Variants in FILIP1 observed in about 807,000 individuals in gnomAD.
FILIP1 encodes the protein filamin A interacting protein 1.
A neutral mutation model predicts 102.1 loss-of-function variants in FILIP1; 61 were observed. The ratio of observed to expected loss-of-function variants is 0.60; its 90% CI spans 0.49 to 0.74. The LOEUF (loss-of-function observed/expected upper bound fraction) is 0.74, where lower values mean the gene tolerates loss of function less well. Ranked by LOEUF, FILIP1 falls within the 30% of genes least tolerant of loss-of-function variation. The pLI is 0.00. For synonymous variants in FILIP1, 491 were observed against 526.9 expected, an observed-to-expected ratio of 0.93 and a Z score of 0.93; for missense variants, 1,314 against 1,441.2, an observed-to-expected ratio of 0.91 and a Z score of 1.43.
At chr6:75,333,085 G>A (rs1438428583) in intron 4 of FILIP1, among the ~76,000 whole-genome samples, 1 of 152,058 alleles carries the variant, frequency 6.6e-6, no homozygotes, top group African/African-American at 2.4e-5. Context: ...ACATAACTTA[G>A]GTAGCAAATT....
chr6:75,313,399 G>T lies in FILIP1; in HGVS notation c.2433C>A (p.Ser811Arg). 1.2e-6 allele frequency: 2 copies of T among 1,614,140 alleles called. No homozygotes were observed. Among genetic ancestry groups the T allele is most frequent in the Non-Finnish European group, 1.7e-6 (2 of 1,180,028 alleles). Reference protein sequence around the residue: ...TSTGVQTDAVSGEAAEEETPA... With the variant: ...TSTGVQTDAVRGEAAEEETPA... Reference sequence around the variant, plus strand: ...GCGTTTCTTCCTCTGCTGCTTCACCGCTGACTGCATCAGTTTGGACTCCAG... The same window carrying T: ...GCGTTTCTTCCTCTGCTGCTTCACCTCTGACTGCATCAGTTTGGACTCCAG... Residue 811 changes from serine to arginine, a missense_variant, in exon 5 of 6, where the codon AGC becomes AGA. Ser to Arg is a moderately radical substitution (Grantham distance 110, BLOSUM62 -1). Around this residue, in one of 3 missense-constraint regions of FILIP1, gnomAD observed 816 missense variants for 913.1 expected, o/e 0.89. Coordinates refer to ENST00000237172, the MANE Select transcript of FILIP1 (RefSeq NM_015687.5). The surrounding 1 kb of genome is among the most constrained non-coding windows in gnomAD (Gnocchi z 4.2).
chr6:75,445,594 A>G (rs1778419902), intron 1 of FILIP1, among the ~76,000 whole-genome samples: 1 of 151,978 alleles, frequency 6.6e-6, no homozygotes, highest in Non-Finnish European at 1.5e-5. Context: ...ATGTGAGCTT[A>G]TTGAAAGCAG....
chr6:75,398,487 C>T (rs1042140267), intron 2 of FILIP1, among the ~76,000 whole-genome samples: 11 of 152,158 alleles, frequency 7.2e-5, no homozygotes, highest in Non-Finnish European at 1.6e-4. Context: ...CTAAGGATCA[C>T]TGAGGCCGAA....
intron 6 of FILIP1, among the ~76,000 whole-genome samples, chr6:75,302,070 A>G (rs1478535446): frequency 6.6e-6 from 1 of 152,108 alleles, no homozygotes; most frequent in East Asian, 1.9e-4. Context: ...GGAAAGGGCC[A>G]TTTGTAACTC....
At chr6:75,366,308 T>C (rs1775331896) in intron 2 of FILIP1, among the ~76,000 whole-genome samples, 1 of 152,234 alleles carries the variant, frequency 6.6e-6, no homozygotes, top group Non-Finnish European at 1.5e-5. Flanking sequence ...TCAAGTAATC[T>C]TGACAGCATC....
Position 75,450,551 on chromosome 6 carries a change from G to A in FILIP1, c.-6-35573C>T, listed in dbSNP as rs1005929595. On this transcript the variant is annotated intron_variant, in intron 1 of 5. Coordinates refer to ENST00000237172, the MANE Select transcript of FILIP1 (RefSeq NM_015687.5). The stretch of plus-strand genomic sequence containing the variant: ...GTAGTCCCAGCTACTGAGGAGGCTG[G>A]GATGAGAGGATTGCTTGAGCCCAGG... 2.6e-4 allele frequency among the ~76,000 whole-genome samples: 40 copies of A among 151,598 alleles called. 1 individual carries two copies. The highest frequency in any genetic ancestry group is 9.2e-4 in the African/African-American group (38 of 41,240).
intron 4 of FILIP1, among the ~76,000 whole-genome samples, chr6:75,328,033 G>C (rs560603593): frequency 9.2e-5 from 14 of 152,218 alleles, no homozygotes; most frequent in African/African-American, 3.4e-4. Flanking sequence ...CAAAATGTGG[G>C]CAACTACATA....
At chr6:75,390,492 T>C (rs2703716) in intron 2 of FILIP1, among the ~76,000 whole-genome samples, 112,316 of 151,876 alleles carry the variant, frequency 0.74, 41,995 homozygotes, top group African/African-American at 0.86. Context: ...CCTCAGGAGG[T>C]TTCCAATCAT....
At chr6:75,395,931 T>C (rs2842450) in intron 2 of FILIP1, among the ~76,000 whole-genome samples, 152,144 of 152,190 alleles carry the variant, frequency 1, 76,049 homozygotes, top group East Asian at 1. Context: ...GTTGCCTTCT[T>C]TACCTAATGA....
chr6:75,489,950 A>G (rs947497529), intron 1 of FILIP1, among the ~76,000 whole-genome samples: 1 of 152,136 alleles, frequency 6.6e-6, no homozygotes, highest in Middle Eastern at 3.4e-3. Context: ...TTGCCCCCTC[A>G]TTTCTCCTAG....
chr6:75,484,699 A>C (rs1779735872), intron 1 of FILIP1, among the ~76,000 whole-genome samples: 1 of 152,132 alleles, frequency 6.6e-6, no homozygotes, highest in Non-Finnish European at 1.5e-5. Context: ...GTTTCAAGTG[A>C]GGTCAGAGTC....
downstream of FILIP1, among the ~76,000 whole-genome samples, chr6:75,303,585 A>G (rs1772901709): frequency 6.6e-6 from 1 of 152,200 alleles, no homozygotes; most frequent in African/African-American, 2.4e-5. Flanking sequence ...CTGGACCCAG[A>G]CATAAGAATG....
chr6:75,436,402 C>T (rs947590168), intron 1 of FILIP1, among the ~76,000 whole-genome samples: 2 of 151,562 alleles, frequency 1.3e-5, no homozygotes, highest in Admixed American at 6.6e-5. Flanking sequence ...CTGCAAAAAG[C>T]TTCCATTGTA....
intron 1 of FILIP1, among the ~76,000 whole-genome samples, chr6:75,450,636 C>T (rs1229105042): frequency 1.4e-5 from 2 of 142,634 alleles, no homozygotes; most frequent in African/African-American, 5.2e-5. Flanking sequence ...AGAATAAGAA[C>T]TTCTCTCTTA....
chr6:75,313,164 T>C lies in FILIP1; in HGVS notation c.2668A>G (p.Thr890Ala). ...CCTGGGTGCCCTGGACTGGAATTTG[T>C]TCGGGGCCCTTTCTCCTGAGTGATG... ...PSITQEKGPR[T>A]NSSPGHPGEV... Residue 890 changes from threonine (T) to alanine (A), a missense_variant, in exon 5 of 6, where the codon ACA becomes GCA. Transcript: ENST00000237172. This position sits in a 1 kb window ranked among gnomAD's most constrained non-coding sequence, Gnocchi z 4.2. The C allele has an allele frequency of 6.2e-7, 1 of 1,614,188 alleles. No individual in the cohort carries two copies. The highest frequency in any genetic ancestry group is 1.7e-5 in the Admixed American group (1 of 60,026).
Position 75,314,685 on chromosome 6 carries a change from G to C in FILIP1, c.1147C>G (p.Leu383Val). 1 of 1,613,850 alleles carries C rather than the reference G, an allele frequency of 6.2e-7. No individual in the cohort carries two copies. Among genetic ancestry groups the C allele is most frequent in the African/African-American group, 1.3e-5 (1 of 75,008 alleles). ...TCCATTTCAAGCACACGCTTTCGAAGATTTTCCACTTCTGCCATGAGGCTA... is the reference window on the plus strand; with the variant it reads ...TCCATTTCAAGCACACGCTTTCGAACATTTTCCACTTCTGCCATGAGGCTA... ...NSSLMAEVEN[L>V]RKRVLEMEGK... Residue 383 changes from leucine (L) to valine (V), a missense_variant, in exon 5 of 6, where the codon CTT (leucine) becomes GTT (valine). This residue lies in a region of FILIP1 where 494 missense variants were observed against 511.2 expected (regional missense o/e 0.97). Coordinates refer to ENST00000237172, the MANE Select transcript of FILIP1 (RefSeq NM_015687.5).
chr6:75,295,577 T>A (rs183402519), exon 7 of FILIP1: 223 of 188,034 alleles, frequency 1.2e-3, no homozygotes, highest in Non-Finnish European at 2.2e-3. Flanking sequence ...CCAGAGACTA[T>A]GAAAAAGGGA....
chr6:75,479,025 A>G (rs1225508476), intron 1 of FILIP1, among the ~76,000 whole-genome samples: 1 of 152,212 alleles, frequency 6.6e-6, no homozygotes, highest in African/African-American at 2.4e-5. Context: ...AACTAAGGAA[A>G]TAAGTTGCTA....
chr6:75,362,826 A>T lies in FILIP1; in HGVS notation c.368T>A (p.Val123Glu). Reference protein sequence around the residue: ...AHYGSAEPEKVLRVLHRDAIL... With the variant: ...AHYGSAEPEKELRVLHRDAIL... Reference sequence around the variant, plus strand: ...GGCATCTCGGTGCAGGACCCGCAGCACTTTCTCTGGCTCCGCAGACCCGTA... The same window carrying T: ...GGCATCTCGGTGCAGGACCCGCAGCTCTTTCTCTGGCTCCGCAGACCCGTA... Residue 123 changes from valine to glutamate, a missense_variant, in exon 3 of 6, where the codon GTG (valine) becomes GAG (glutamate). By Grantham distance (121) the Val-to-Glu change is moderately radical. Transcript: ENST00000237172. 1 of 1,613,820 alleles carries T rather than the reference A, an allele frequency of 6.2e-7. No individual in the cohort carries two copies. Among genetic ancestry groups the T allele is most frequent in the Non-Finnish European group, 8.5e-7 (1 of 1,179,960 alleles).
Sources: allele counts gnomAD v4.1 joint callset (sites outside exome capture counted in the v4.1 genomes callset), GRCh38; gene constraint gnomAD v4.1.1; regional missense constraint gnomAD v4.1.1; non-coding constraint Gnocchi (gnomAD v3.1); transcripts MANE v1.5; gene names NCBI Gene and HGNC (gene_info 2026-07-23, HGNC 2026-07-21).